The following CNTLN variants were observed in gnomAD, a reference collection of about 807,000 sequenced individuals.
The protein encoded by CNTLN is centlein.
CNTLN carries 212 observed loss-of-function variants against 180.0 expected under a neutral mutation model. The ratio of observed to expected loss-of-function variants is 1.18; its 90% CI spans 1.05 to 1.32. The LOEUF (loss-of-function observed/expected upper bound fraction) is 1.32, where lower values mean the gene tolerates loss of function less well. CNTLN is among the 40% of genes most tolerant of loss of function. The pLI, the probability that CNTLN is intolerant of heterozygous loss-of-function variation, is 0.00. For synonymous variants in CNTLN, 722 were observed against 563.1 expected (o/e 1.28, Z -3.99); for missense variants, 2,095 against 1,610.9 (o/e 1.30, Z -5.14).
At chr9:17,265,358 T>C (rs1176986846) in intron 5 of CNTLN, among the ~76,000 whole-genome samples, 1 of 152,226 alleles carries the variant, frequency 6.6e-6, no homozygotes, top group Non-Finnish European at 1.5e-5. Context: ...GATTTGCGTA[T>C]GTTGTAACAG....
intron 2 of CNTLN, among the ~76,000 whole-genome samples, chr9:17,223,817 G>A (rs907799038): frequency 4.6e-5 from 7 of 151,978 alleles, no homozygotes; most frequent in African/African-American, 1.7e-4. Context: ...GGGCCTAGAA[G>A]GCCACATATT....
intron 9 of CNTLN, 91 bp from the exon 10 acceptor site, chr9:17,332,514 A>G: frequency 1.7e-6 from 2 of 1,188,174 alleles, no homozygotes; most frequent in South Asian, 1.5e-5. Context: ...ATTCATTATT[A>G]GTATTCAAAA....
intron 1 of CNTLN, among the ~76,000 whole-genome samples, chr9:17,140,870 A>G (rs1186488697): frequency 6.6e-6 from 1 of 152,260 alleles, no homozygotes; most frequent in Non-Finnish European, 1.5e-5. Flanking sequence ...TTCCAGAAGA[A>G]GAAATGGGTA....
intron 12 of CNTLN, among the ~76,000 whole-genome samples, chr9:17,345,050 C>G (rs1332600755): frequency 1.3e-5 from 2 of 152,136 alleles, no homozygotes; most frequent in African/African-American, 4.8e-5. Flanking sequence ...GTTGGTTAAT[C>G]TAATATGTTC....
intron 18 of CNTLN, among the ~76,000 whole-genome samples, chr9:17,429,820 A>C (rs1349255143): frequency 6.6e-6 from 1 of 151,966 alleles, no homozygotes; most frequent in Non-Finnish European, 1.5e-5. Flanking sequence ...TACCCCTTTT[A>C]AGTATAGTAG....
intron 18 of CNTLN, among the ~76,000 whole-genome samples, chr9:17,432,093 G>A (rs1183523120): frequency 6.6e-6 from 1 of 152,018 alleles, no homozygotes; most frequent in Non-Finnish European, 1.5e-5. Context: ...GAGAGACCCA[G>A]TACTTTGAAA....
intron 16 of CNTLN, among the ~76,000 whole-genome samples, chr9:17,409,849 C>T (rs997250361): frequency 2.0e-5 from 3 of 152,002 alleles, no homozygotes; most frequent in Non-Finnish European, 4.4e-5. Flanking sequence ...TTATTTCTAA[C>T]TAGCCTCTCA....
In CNTLN at chr9:17,309,140, A is replaced by G. The variant is rs1028309540; in HGVS notation, c.1229A>G (p.Asp410Gly). ...MLRQSVTNLQ[D>G]QLLQKEQENA... ...CGGCAAAGTGTTACTAATCTTCAGG[A>G]TCAGCTATTACAAAAAGAGCAAGAA... The change falls in exon 8 of 26, where the codon GAT becomes GGT. Residue 410 changes from aspartate to glycine, a missense_variant. By Grantham distance (94) the Asp-to-Gly change is moderately conservative. Coordinates refer to ENST00000380647, the MANE Select transcript of CNTLN (RefSeq NM_017738.4). 3 of 1,610,894 alleles carry G rather than the reference A, an allele frequency of 1.9e-6. No homozygotes were observed. The South Asian group carries it at 3.3e-5, about 18-fold the overall frequency.
chr9:17,338,993 A>T (rs1053538347), intron 10 of CNTLN, among the ~76,000 whole-genome samples: 5 of 152,184 alleles, frequency 3.3e-5, no homozygotes, highest in Admixed American at 1.3e-4. Context: ...CATATATTAA[A>T]CTATCCTACT....
Position 17,243,803 on chromosome 9 carries a change from G to C in CNTLN, c.849+7215G>C, listed in dbSNP as rs182553678. 4.6e-5 allele frequency among the ~76,000 whole-genome samples: 7 copies of C among 152,272 alleles called. No homozygotes were observed. In the East Asian group the frequency reaches 1.4e-3, roughly 29 times the overall value. ...TTTCGCAGCCATTGGATAAAATATG[G>C]TGTAAATATCTATTAGGTACATTTG... On this transcript the variant is annotated intron_variant, in intron 5 of 25. Transcript: ENST00000380647.
intron 18 of CNTLN, among the ~76,000 whole-genome samples, chr9:17,424,505 C>T (rs573433932): frequency 2.0e-5 from 3 of 152,178 alleles, no homozygotes; most frequent in East Asian, 3.9e-4. Context: ...GACAAACTAC[C>T]AGAATCATAT....
intron 18 of CNTLN, chr9:17,448,480 A>T (rs1830582353): frequency 6.6e-6 from 1 of 152,098 alleles, no homozygotes. Flanking sequence ...TCATTTTCTG[A>T]TGCTCCAAAG....
intron 5 of CNTLN, among the ~76,000 whole-genome samples, chr9:17,246,136 T>C (rs1204902299): frequency 6.8e-6 from 1 of 147,148 alleles, no homozygotes; most frequent in African/African-American, 2.5e-5. Context: ...TAGGTATCTA[T>C]TGCATTCTTT....
intron 2 of CNTLN, among the ~76,000 whole-genome samples, chr9:17,182,641 A>T (rs1821190660): frequency 1.3e-5 from 2 of 152,212 alleles, no homozygotes; most frequent in Non-Finnish European, 2.9e-5. Flanking sequence ...TTAGAGTAAG[A>T]TTAAAAAGTT....
intron 5 of CNTLN, among the ~76,000 whole-genome samples, chr9:17,268,322 G>A (rs538471642): frequency 6.6e-6 from 1 of 152,264 alleles, no homozygotes; most frequent in Admixed American, 6.5e-5. Flanking sequence ...GTTTGCCTGG[G>A]TATCAGCAGC....
At chr9:17,240,517 C>T (rs1162442486) in intron 5 of CNTLN, among the ~76,000 whole-genome samples, 1 of 152,120 alleles carries the variant, frequency 6.6e-6, no homozygotes, top group African/African-American at 2.4e-5. Context: ...AGTGGATATC[C>T]ATGTCTTTTC....
At chr9:17,354,524 A>G (rs1057150918) in intron 12 of CNTLN, among the ~76,000 whole-genome samples, 1 of 152,080 alleles carries the variant, frequency 6.6e-6, no homozygotes, top group Admixed American at 6.5e-5. Context: ...TGTTTAGCTC[A>G]AGGTTTGTGA....
At chr9:17,464,315 A>G (rs541574275) in intron 20 of CNTLN, among the ~76,000 whole-genome samples, 182 bp from the exon 21 acceptor site, 1 of 151,462 alleles carries the variant, frequency 6.6e-6, no homozygotes, top group South Asian at 2.1e-4. Flanking sequence ...TAGATTTTAC[A>G]AGTGTTCAAA....
chr9:17,135,125 C>T lies in CNTLN; in HGVS notation c.60C>T (p.Pro20=). Residue 20 remains proline (P), a synonymous_variant, in exon 1 of 26, where the codon CCC becomes CCT. Coordinates refer to ENST00000380647, the MANE Select transcript of CNTLN (RefSeq NM_017738.4). The stretch of plus-strand genomic sequence containing the variant: ...CGCCCCCAGCGCGACAGCTGGGCCC[C>T]AGGTCCCCACGTGTTGGGCGGGGAG... ...HPSPPARQLG[P]RSPRVGRGAE... is the part of the protein sequence containing the mutation. 1 of 1,606,980 alleles carries T rather than the reference C, an allele frequency of 6.2e-7. No individual in the cohort carries two copies. Among genetic ancestry groups the T allele is most frequent in the Non-Finnish European group, 8.5e-7 (1 of 1,177,872 alleles).
Sources: allele counts gnomAD v4.1 joint callset (sites outside exome capture counted in the v4.1 genomes callset), GRCh38; gene constraint gnomAD v4.1.1; transcripts MANE v1.5; gene names NCBI Gene and HGNC (gene_info 2026-07-23, HGNC 2026-07-21).